Variants in PEBP4 observed in about 807,000 individuals in gnomAD.
PEBP4 encodes phosphatidylethanolamine-binding protein 4.
A neutral mutation model predicts 23.9 loss-of-function variants in PEBP4; 22 were observed. That is an observed-to-expected ratio of 0.92 (90% CI 0.66 to 1.31). The LOEUF (loss-of-function observed/expected upper bound fraction) is 1.31, where lower values mean the gene tolerates loss of function less well. Among genes scored for constraint, PEBP4 ranks in the 40% most tolerant of loss-of-function variants. The pLI, the probability that PEBP4 is intolerant of heterozygous loss-of-function variation, is 0.00. For synonymous variants in PEBP4, 112 were observed against 99.3 expected, an observed-to-expected ratio of 1.13 and a Z score of -0.76; for missense variants, 324 against 281.7, an observed-to-expected ratio of 1.15 and a Z score of -1.07.
Position 22,865,084 on chromosome 8 carries a change from C to T in PEBP4, c.259-47349G>A, listed in dbSNP as rs186372079. 3.7e-3 allele frequency among the ~76,000 whole-genome samples: 563 copies of T among 152,150 alleles called. 1 individual carries two copies. The highest frequency in any genetic ancestry group is 0.013 in the African/African-American group (540 of 41,506). On this transcript the variant is annotated intron_variant, in intron 3 of 6. Transcript: ENST00000256404. The surrounding 1 kb of genome is among the most constrained non-coding windows in gnomAD (Gnocchi z 6.9). ...GGCGGGGACCTGCAGGGCCAGACGCCGAGCCCTGGATGCGAGGTGGGGGTA... is the reference window on the plus strand; with the variant it reads ...GGCGGGGACCTGCAGGGCCAGACGCTGAGCCCTGGATGCGAGGTGGGGGTA...
intron 4 of PEBP4, among the ~76,000 whole-genome samples, chr8:22,790,354 A>AG (rs1396780601): frequency 1.3e-5 from 2 of 152,154 alleles, no homozygotes; most frequent in Non-Finnish European, 2.9e-5. Flanking sequence ...GCACCTCCTG[A>AG]GGGGGTAGAT....
intron 4 of PEBP4, among the ~76,000 whole-genome samples, chr8:22,738,131 G>C (rs936736146): frequency 1.3e-5 from 2 of 152,222 alleles, no homozygotes; most frequent in African/African-American, 4.8e-5. Context: ...ACTCAGCCAG[G>C]GTGCGCAGAG....
At chr8:22,819,146 A>G (rs1806806634) in intron 3 of PEBP4, among the ~76,000 whole-genome samples, 1 of 151,690 alleles carries the variant, frequency 6.6e-6, no homozygotes, top group African/African-American at 2.4e-5. Flanking sequence ...GCAGACACAG[A>G]GAAGAAAAGA....
intron 1 of PEBP4, among the ~76,000 whole-genome samples, chr8:22,940,504 T>TTTTTTA (rs1809597101): frequency 6.8e-6 from 1 of 147,266 alleles, no homozygotes; most frequent in Non-Finnish European, 1.5e-5. Context: ...TTTTTTTTTT[T>TTTTTTA]TCGAGACGGA....
At chr8:22,774,757 G>A (rs930042579) in intron 4 of PEBP4, among the ~76,000 whole-genome samples, 2 of 152,150 alleles carry the variant, frequency 1.3e-5, no homozygotes, top group Non-Finnish European at 2.9e-5. Flanking sequence ...CTGAGTCCTG[G>A]CCATCCCCGA....
intron 4 of PEBP4, among the ~76,000 whole-genome samples, chr8:22,794,529 C>T (rs1308777994): frequency 3.3e-5 from 5 of 152,218 alleles, no homozygotes; most frequent in African/African-American, 1.2e-4. Context: ...AAGTAATATG[C>T]CCGCCTCAGC....
chr8:22,833,184 A>G (rs1026315500), intron 3 of PEBP4, among the ~76,000 whole-genome samples: 11 of 152,142 alleles, frequency 7.2e-5, no homozygotes, highest in Non-Finnish European at 2.9e-5. Context: ...CTTCATCACC[A>G]TCATGTCCCT....
At chr8:22,784,652 C>T (rs1469354853) in intron 4 of PEBP4, among the ~76,000 whole-genome samples, 4 of 152,268 alleles carry the variant, frequency 2.6e-5, no homozygotes, top group African/African-American at 4.8e-5. Flanking sequence ...AATAAGCAGC[C>T]GCCCGGGTGT....
chr8:22,805,797 A>T (rs1413521123), intron 4 of PEBP4, among the ~76,000 whole-genome samples: 1 of 150,624 alleles, frequency 6.6e-6, no homozygotes, highest in African/African-American at 2.4e-5. Flanking sequence ...TTTTTTTTTA[A>T]AAAAAAGGGA....
intron 4 of PEBP4, among the ~76,000 whole-genome samples, chr8:22,810,207 A>T (rs183833224): frequency 2.3e-4 from 35 of 152,010 alleles, no homozygotes; most frequent in Admixed American, 2.3e-3. Flanking sequence ...AGCCTTTCCT[A>T]CTTCCTTCCG....
At chr8:22,935,645 T>C (rs1262297435) in intron 1 of PEBP4, among the ~76,000 whole-genome samples, 1 of 152,226 alleles carries the variant, frequency 6.6e-6, no homozygotes, top group African/African-American at 2.4e-5. Flanking sequence ...TGACCTCATG[T>C]GATGGGTCAC....
intron 3 of PEBP4, among the ~76,000 whole-genome samples, chr8:22,843,694 C>T (rs1807370915): frequency 6.6e-6 from 1 of 152,136 alleles, no homozygotes; most frequent in African/African-American, 2.4e-5. Flanking sequence ...TGAATGTCAG[C>T]CTTGCCCCAG....
At chr8:22,802,466 G>A (rs1806404744) in intron 4 of PEBP4, among the ~76,000 whole-genome samples, 3 of 152,206 alleles carry the variant, frequency 2.0e-5, no homozygotes, top group Admixed American at 2.0e-4. Context: ...AGAGCTGTTC[G>A]GGCCTCGCCC....
intron 3 of PEBP4, among the ~76,000 whole-genome samples, chr8:22,871,374 GAAT>G (rs1808003291): frequency 6.6e-6 from 1 of 152,004 alleles, no homozygotes; most frequent in African/African-American, 2.4e-5. Context: ...GACCTCTCTG[GAAT>G]AATAATAGTC....
rs558303228 is a variant in PEBP4 at position 22,765,437 on chromosome 8, C to A, written c.358-38217G>T. Among the ~76,000 whole-genome samples, 37 of 152,298 alleles carry A rather than the reference C, an allele frequency of 2.4e-4. No individual in the cohort carries two copies. In the East Asian group the frequency reaches 6.8e-3, roughly 28 times the overall value. On this transcript the variant is annotated intron_variant, in intron 4 of 6. Coordinates refer to ENST00000256404, the MANE Select transcript of PEBP4 (RefSeq NM_144962.3). ...GGGATTATAGGCGTGAGCTGCTGCA[C>A]CCAGCCCAGGTCCTCAGTTTCTTAG...
chr8:22,809,455 G>A (rs1235771998), intron 4 of PEBP4, among the ~76,000 whole-genome samples: 2 of 152,146 alleles, frequency 1.3e-5, no homozygotes, highest in African/African-American at 4.8e-5. Context: ...AATATAAGCT[G>A]TCACCTGGGC....
intron 3 of PEBP4, among the ~76,000 whole-genome samples, chr8:22,822,354 AGTGT>A (rs34500729): frequency 4.7e-5 from 7 of 147,752 alleles, no homozygotes; most frequent in African/African-American, 1.5e-4. Context: ...TATATACTAA[AGTGT>A]GTGTGTGTGT....
At chr8:22,833,712 T>C (rs1807136974) in intron 3 of PEBP4, among the ~76,000 whole-genome samples, 1 of 152,204 alleles carries the variant, frequency 6.6e-6, no homozygotes, top group Admixed American at 6.5e-5. Flanking sequence ...CGATCGTGAT[T>C]AGTGGAGAGC....
At position 22,934,155 on chromosome 8, in the gene PEBP4, A is replaced by C. The variant is rs1013533807; in HGVS notation, c.145-6435T>G. Among the ~76,000 whole-genome samples the C allele has an allele frequency of 2.6e-5, 4 of 152,070 alleles. No homozygotes were observed. The South Asian group carries it at 8.3e-4, about 32-fold the overall frequency. On this transcript the variant is annotated intron_variant, in intron 1 of 1. Transcript: ENST00000522278. ...ATGCAAACACCACCCATTGGGCCCC[A>C]CCTCCAATATTGGGGATCAAATTTC... is the stretch of plus-strand genomic sequence containing the variant.
Sources: gnomAD v4.1 joint callset for allele counts (sites outside exome capture counted in the v4.1 genomes callset) on GRCh38, gnomAD v4.1.1 for gene constraint, Gnocchi (gnomAD v3.1) non-coding constraint, MANE v1.5 for transcripts, NCBI Gene and HGNC (gene_info 2026-07-23, HGNC 2026-07-21) for gene names.